The following CYP4X1 variants were observed in gnomAD, a reference collection of about 807,000 sequenced individuals.
CYP4X1 encodes the protein cytochrome P450 family 4 subfamily X member 1.
Under a neutral mutation model 57.9 loss-of-function variants are expected in CYP4X1, and 44 were observed. The ratio of observed to expected loss-of-function variants is 0.76; its 90% confidence interval spans 0.60 to 0.98. CYP4X1 has a LOEUF of 0.98. CYP4X1 is among the 50% of genes least tolerant of loss of function. The pLI is 0.00. For missense variants in CYP4X1, 532 were observed against 623.9 expected (o/e 0.85, Z 1.57); for synonymous variants, 227 against 228.6 (o/e 0.99, Z 0.06).
intron 6 of CYP4X1, among the ~76,000 whole-genome samples, chr1:47,038,262 TTTTG>T (rs770259120): frequency 6.6e-6 from 1 of 152,186 alleles, no homozygotes; most frequent in African/African-American, 2.4e-5. Flanking sequence ...CATATTTTTG[TTTTG>T]TTTTTTTTCT....
chr1:47,042,704 T>C (rs559627589), intron 8 of CYP4X1, among the ~76,000 whole-genome samples: 6 of 152,304 alleles, frequency 3.9e-5, no homozygotes, highest in East Asian at 1.9e-4. Flanking sequence ...TGAGAACATA[T>C]AATGTTTGGT....
intron 11 of CYP4X1, 59 bp from the exon 12 acceptor site, chr1:47,049,941 C>A (rs1347961893): frequency 1.3e-6 from 2 of 1,522,988 alleles, no homozygotes; most frequent in African/African-American, 2.8e-5. Context: ...TAGTATTTTA[C>A]TATAGTCAGA....
At chr1:46,997,683 C>T in the CYP4X1 span, among the ~76,000 whole-genome samples, 2 of 152,130 alleles carry the variant, frequency 1.3e-5, no homozygotes, top group African/African-American at 2.4e-5. Flanking sequence ...TGTGTCTTTT[C>T]GAGAAAATGA....
the CYP4X1 span, among the ~76,000 whole-genome samples, chr1:46,991,687 T>G: frequency 2.6e-5 from 4 of 152,148 alleles, no homozygotes; most frequent in African/African-American, 9.7e-5. Flanking sequence ...TTCCCCCATG[T>G]GAGGGCCAAA....
Position 47,036,800 on chromosome 1 carries a change from A to G in CYP4X1, c.775+629A>G, listed in dbSNP as rs571349338. Among the ~76,000 whole-genome samples, 7 of 152,268 alleles carry G rather than the reference A, an allele frequency of 4.6e-5. No individual in the cohort carries two copies. The East Asian group carries it at 9.7e-4, about 21-fold the overall frequency. On this transcript the variant is annotated intron_variant, in intron 6 of 11. Transcript: ENST00000371901. ...TGGAGATTAAAAAAGAACCTATCTC[A>G]TACATTTGTTGTTACGATGAGTGGG... is the stretch of plus-strand genomic sequence containing the variant.
the CYP4X1 span, among the ~76,000 whole-genome samples, chr1:46,965,415 G>A: frequency 6.6e-6 from 1 of 150,768 alleles, no homozygotes. Flanking sequence ...CTTTTTTGTT[G>A]ATGTTGTTGT....
At chr1:47,030,468 A>G (rs1644113457) in intron 2 of CYP4X1, among the ~76,000 whole-genome samples, 1 of 152,116 alleles carries the variant, frequency 6.6e-6, no homozygotes, top group Non-Finnish European at 1.5e-5. Context: ...GGTCTCGAGC[A>G]TAAGTCTCAA....
chr1:46,988,324 A>G, the CYP4X1 span, among the ~76,000 whole-genome samples: 1 of 152,192 alleles, frequency 6.6e-6, no homozygotes, highest in African/African-American at 2.4e-5. Flanking sequence ...CCCCCTCCCA[A>G]GTCTAAACCA....
rs1389835201 is a variant in CYP4X1, at chr1:47,035,940, G to A, written c.620+7G>A. On this transcript the variant is annotated splice_region_variant and intron_variant, in intron 5 of 11. Transcript: ENST00000371901. ...CCAACTGCCAGACAAACAGGTCAGT[G>A]GTGGGAGAGCAAAAAAGATATTTCT... The A allele has an allele frequency of 6.2e-7, 1 of 1,613,138 alleles. No homozygotes were observed. Among genetic ancestry groups the A allele is most frequent in the South Asian group, 1.1e-5 (1 of 90,880 alleles).
Position 47,048,594 on chromosome 1 carries a change from C to A in CYP4X1, c.1237C>A (p.Leu413Ile), listed in dbSNP as rs1295656213. The A allele has an allele frequency of 1.2e-6, 2 of 1,613,896 alleles. No individual in the cohort carries two copies. ...CACCGTGGTTCTTAGTATTTGGGGT[C>A]TTCACCACAACCCTGCTGTCTGGAA... is the stretch of plus-strand genomic sequence containing the variant. ...GITVVLSIWG[L>I]HHNPAVWKNP... The change falls in exon 10 of 12, where the codon CTT (leucine) becomes ATT (isoleucine). Residue 413 changes from leucine (L) to isoleucine (I), a missense_variant. Coordinates refer to ENST00000371901, the MANE Select transcript of CYP4X1 (RefSeq NM_178033.2).
the CYP4X1 span, among the ~76,000 whole-genome samples, chr1:46,986,375 C>A: frequency 4.8e-3 from 731 of 152,160 alleles, 12 homozygotes; most frequent in East Asian, 0.045. Context: ...CAAGAGATAT[C>A]AGACTATGTG....
chr1:47,012,973 T>A, the CYP4X1 span, among the ~76,000 whole-genome samples: 1 of 152,196 alleles, frequency 6.6e-6, no homozygotes, highest in African/African-American at 2.4e-5. Flanking sequence ...TCCTACGTTT[T>A]GTTGTTGTTG....
At chr1:47,006,311 G>T in the CYP4X1 span, among the ~76,000 whole-genome samples, 1 of 152,120 alleles carries the variant, frequency 6.6e-6, no homozygotes, top group Admixed American at 6.5e-5. Context: ...TGCTTTTTGG[G>T]ATTTCACTAA....
At chr1:46,994,482 G>A in the CYP4X1 span, 1 of 159,446 alleles carries the variant, frequency 6.3e-6, no homozygotes. Flanking sequence ...GTCTGTTGGG[G>A]TTCAGCACAG....
chr1:46,989,952 G>A, the CYP4X1 span, among the ~76,000 whole-genome samples: 1 of 152,182 alleles, frequency 6.6e-6, no homozygotes, highest in African/African-American at 2.4e-5. Context: ...AACTCTAGAA[G>A]AAAACCTAGG....
intron 2 of CYP4X1, 96 bp from the exon 3 acceptor site, chr1:47,031,340 G>A: frequency 7.1e-7 from 1 of 1,402,546 alleles, no homozygotes; most frequent in Non-Finnish European, 9.9e-7. Context: ...CACTTTTTGT[G>A]GTTGGTGCAG....
intron 9 of CYP4X1, among the ~76,000 whole-genome samples, 156 bp from the exon 10 acceptor site, chr1:47,048,409 T>G (rs1193478792): frequency 6.6e-6 from 1 of 152,240 alleles, no homozygotes; most frequent in African/African-American, 2.4e-5. Flanking sequence ...AAGCCGCATC[T>G]TCTTAGGTGC....
At chr1:47,011,712 G>GA in the CYP4X1 span, among the ~76,000 whole-genome samples, 8 of 152,040 alleles carry the variant, frequency 5.3e-5, no homozygotes, top group African/African-American at 1.7e-4. Context: ...AAATTTACAA[G>GA]AAAAAATCAA....
chr1:46,977,961 A>T, the CYP4X1 span, among the ~76,000 whole-genome samples: 9 of 152,268 alleles, frequency 5.9e-5, no homozygotes, highest in African/African-American at 1.9e-4. Context: ...GCCTTACAAG[A>T]GCTCCTGAAG....
Sources: allele counts gnomAD v4.1 joint callset (sites outside exome capture counted in the v4.1 genomes callset), GRCh38; gene constraint gnomAD v4.1.1; transcripts MANE v1.5; gene names NCBI Gene and HGNC (gene_info 2026-07-23, HGNC 2026-07-21).